FHOD3: variants seen among roughly 807,000 people sequenced by gnomAD.
FHOD3 encodes the protein FH1/FH2 domain-containing protein 3.
Under a neutral mutation model 173.0 loss-of-function variants are expected in FHOD3, and 90 were observed. The observed-to-expected ratio is 0.52, with a 90% CI of 0.44 to 0.62. The LOEUF is 0.62. Among genes scored for constraint, FHOD3 ranks in the 20% least tolerant of loss-of-function variants. The pLI is 0.00. For synonymous variants in FHOD3, 828 were observed against 823.0 expected, an observed-to-expected ratio of 1.01 and a Z score of -0.10; for missense variants, 1,945 against 2,034.7, an observed-to-expected ratio of 0.96 and a Z score of 0.85.
At chr18:36,339,507 T>A (rs1022954631) in intron 1 of FHOD3, among the ~76,000 whole-genome samples, 1 of 152,218 alleles carries the variant, frequency 6.6e-6, no homozygotes. Context: ...ATTTTTGAAG[T>A]TGTGTCTTTT....
At chr18:36,663,111 T>A (rs2036922788) in intron 14 of FHOD3, among the ~76,000 whole-genome samples, 1 of 152,222 alleles carries the variant, frequency 6.6e-6, no homozygotes. Flanking sequence ...TTTGTGTTCC[T>A]ACTGAAGAAA....
At chr18:36,641,885 G>T (rs1186498149) in intron 10 of FHOD3, among the ~76,000 whole-genome samples, 2 of 151,688 alleles carry the variant, frequency 1.3e-5, no homozygotes, top group Non-Finnish European at 2.9e-5. Context: ...CCCGGGGGTT[G>T]GAGGTTGCAG....
At chr18:36,302,482 A>G (rs914907101) in intron 1 of FHOD3, among the ~76,000 whole-genome samples, 6 of 152,118 alleles carry the variant, frequency 3.9e-5, no homozygotes, top group Non-Finnish European at 7.3e-5. Context: ...AGCATGGATT[A>G]CAGGTGATTT....
At chr18:36,359,232 T>A (rs2046498465) in intron 2 of FHOD3, among the ~76,000 whole-genome samples, 1 of 152,228 alleles carries the variant, frequency 6.6e-6, no homozygotes, top group South Asian at 2.1e-4. Context: ...CCATGTGTTC[T>A]GAGTTTCCTT....
intron 11 of FHOD3, among the ~76,000 whole-genome samples, chr18:36,652,102 G>A (rs968864072): frequency 1.3e-5 from 2 of 152,334 alleles, no homozygotes; most frequent in South Asian, 2.1e-4. Context: ...TCACTAAAGT[G>A]TATGGCTTTG....
chr18:36,308,635 C>T (rs540270619), intron 1 of FHOD3, among the ~76,000 whole-genome samples: 1 of 152,204 alleles, frequency 6.6e-6, no homozygotes, highest in Non-Finnish European at 1.5e-5. Context: ...GGACCCAGGA[C>T]ACTGTGGGTC....
intron 3 of FHOD3, among the ~76,000 whole-genome samples, chr18:36,448,541 G>C (rs1249346744): frequency 6.6e-6 from 1 of 152,090 alleles, no homozygotes; most frequent in Non-Finnish European, 1.5e-5. Flanking sequence ...ATGACTCTCT[G>C]GGGCCAGGCT....
intron 5 of FHOD3, among the ~76,000 whole-genome samples, chr18:36,521,641 C>T (rs553522818): frequency 6.6e-6 from 1 of 152,296 alleles, no homozygotes; most frequent in South Asian, 2.1e-4. Context: ...CCTGCTCTAC[C>T]AGCTGCCTCA....
chr18:36,374,493 C>T (rs982843802), intron 3 of FHOD3, among the ~76,000 whole-genome samples: 1 of 152,216 alleles, frequency 6.6e-6, no homozygotes, highest in African/African-American at 2.4e-5. Context: ...ACATAAAGGT[C>T]ACTGCTTCTT....
intron 1 of FHOD3, among the ~76,000 whole-genome samples, chr18:36,316,643 C>G (rs2044139149): frequency 5.3e-5 from 8 of 152,184 alleles, no homozygotes; most frequent in Admixed American, 5.2e-4. Flanking sequence ...TGAGGATGGA[C>G]CCGATAAGGC....
intron 5 of FHOD3, among the ~76,000 whole-genome samples, chr18:36,516,163 G>T (rs1395655861): frequency 6.6e-6 from 1 of 152,026 alleles, no homozygotes; most frequent in Admixed American, 6.6e-5. Flanking sequence ...GGACATTTGC[G>T]ATCAAGAACA....
intron 18 of FHOD3, among the ~76,000 whole-genome samples, chr18:36,714,657 T>C (rs531275788): frequency 6.6e-6 from 1 of 152,262 alleles, no homozygotes; most frequent in Non-Finnish European, 1.5e-5. Flanking sequence ...TCAGCCACTT[T>C]ATCTGCTGCA....
intron 6 of FHOD3, among the ~76,000 whole-genome samples, chr18:36,588,147 C>T (rs2059102471): frequency 2.0e-5 from 3 of 152,290 alleles, no homozygotes; most frequent in Middle Eastern, 6.8e-3. Flanking sequence ...CCTCATGTTA[C>T]AGATAACCTG....
intron 3 of FHOD3, among the ~76,000 whole-genome samples, chr18:36,425,468 T>C (rs1175566785): frequency 1.3e-5 from 2 of 152,214 alleles, no homozygotes; most frequent in Non-Finnish European, 2.9e-5. Flanking sequence ...AGAAAAGCTT[T>C]ATGTTCTAAC....
chr18:36,662,993 A>G (rs773284130), intron 14 of FHOD3, among the ~76,000 whole-genome samples: 5 of 152,180 alleles, frequency 3.3e-5, no homozygotes, highest in African/African-American at 9.7e-5. Context: ...ATAAACTGTG[A>G]TAAGAGTAGC....
At position 36,718,274 on chromosome 18, in the gene FHOD3, C is replaced by G; in HGVS notation, c.2976C>G (p.Ile992Met). 6.2e-7 allele frequency: 1 copy of G among 1,614,146 alleles called. No homozygotes were observed. The highest frequency in any genetic ancestry group is 2.2e-5 in the East Asian group (1 of 44,888). ...TGGCCAATCCAAGAGAGCTCAGAAT[C>G]CAAGACATGGATTTCACTGACCTGG... ...QLMANPRELR[I>M]QDMDFTDLGE... The change falls in exon 19 of 29, where the codon ATC (isoleucine) becomes ATG (methionine). Residue 992 changes from isoleucine to methionine, a missense_variant. Around this residue, in one of 5 missense-constraint regions of FHOD3, gnomAD observed 1,099 missense variants for 1,051.2 expected, o/e 1.05. Coordinates refer to ENST00000590592, the MANE Select transcript of FHOD3 (RefSeq NM_001281740.3).
rs368210942 is a variant in FHOD3, at chr18:36,625,563, G to T, written c.1010G>T (p.Gly337Val). ...GDETTEPPPS[G>V]CRDRRRASVC... ...GAGACCACGGAGCCACCCCCCAGTG[G>T]GTGCCGGGACCGGAGGAGGGCCAGC... The change falls in exon 10 of 29, where the codon GGG becomes GTG. Residue 337 changes from glycine to valine, a missense_variant. Around this residue, in one of 5 missense-constraint regions of FHOD3, gnomAD observed 1,099 missense variants for 1,051.2 expected, o/e 1.05. Coordinates refer to ENST00000590592, the MANE Select transcript of FHOD3 (RefSeq NM_001281740.3). The T allele has an allele frequency of 6.6e-7, 1 of 1,517,110 alleles. No individual in the cohort carries two copies. Among genetic ancestry groups the T allele is most frequent in the Non-Finnish European group, 8.9e-7 (1 of 1,122,672 alleles). 94.0% of individuals were successfully genotyped at this position (1,517,110 alleles called of 1,614,324 possible). A position where few individuals can be genotyped will look rare whatever the true frequency, so the allele number is the denominator to read the frequency against.
intron 20 of FHOD3, among the ~76,000 whole-genome samples, chr18:36,737,393 T>C (rs768786829): frequency 5.9e-5 from 9 of 152,222 alleles, no homozygotes; most frequent in Non-Finnish European, 1.2e-4. Flanking sequence ...TGAAGACTAA[T>C]TGAGTTTAAA....
chr18:36,528,124 C>G (rs978130639), intron 5 of FHOD3, among the ~76,000 whole-genome samples: 3 of 152,152 alleles, frequency 2.0e-5, no homozygotes, highest in Non-Finnish European at 4.4e-5. Flanking sequence ...GCATGGCAGG[C>G]CCTTCAATAA....
Sources: allele counts gnomAD v4.1 joint callset (sites outside exome capture counted in the v4.1 genomes callset), GRCh38; gene constraint gnomAD v4.1.1; regional missense constraint gnomAD v4.1.1; transcripts MANE v1.5; gene names NCBI Gene and HGNC (gene_info 2026-07-23, HGNC 2026-07-21).